The following NFYC variants were observed in gnomAD, a reference collection of about 807,000 sequenced individuals.
The protein encoded by NFYC is CAAT box DNA-binding protein subunit C.
In NFYC, 25 loss-of-function variants were observed where a neutral mutation model predicts 53.1. The observed-to-expected ratio is 0.47, with a 90% CI of 0.34 to 0.66. The LOEUF (loss-of-function observed/expected upper bound fraction) is 0.66, where lower values mean the gene tolerates loss of function less well. NFYC is among the 30% of genes least tolerant of loss of function. NFYC has a pLI of 0.01. For synonymous variants in NFYC, 145 were observed against 152.6 expected, an observed-to-expected ratio of 0.95 and a Z score of 0.37; for missense variants, 260 against 422.7, an observed-to-expected ratio of 0.62 and a Z score of 3.38.
chr1:40,725,188 G>A (rs2148508836), intron 1 of NFYC, among the ~76,000 whole-genome samples: 1 of 152,324 alleles, frequency 6.6e-6, no homozygotes, highest in South Asian at 2.1e-4. Flanking sequence ...AAAAACCTTA[G>A]ATGAGTTTAA....
intron 8 of NFYC, chr1:40,766,948 C>T (rs374301964): frequency 2.8e-5 from 43 of 1,552,082 alleles, no homozygotes; most frequent in South Asian, 1.4e-4. Context: ...GGGGAAGCCT[C>T]GAAGGTGCCT....
In NFYC at chr1:40,771,509, C is replaced by T. The variant is rs1434582566; in HGVS notation, c.*681C>T. On this transcript the variant is annotated 3_prime_UTR_variant, in exon 10 of 10. Transcript: ENST00000447388. ...AGGACTTTGTGTGTTTGCTGCCCAC[C>T]TCCCTTTTATTTTTTAAATGCATTA... is the stretch of plus-strand genomic sequence containing the variant. 2.2e-6 allele frequency: 1 copy of T among 456,624 alleles called. No homozygotes were observed. Among genetic ancestry groups the T allele is most frequent in the Admixed American group, 2.5e-5 (1 of 39,296 alleles). 28.3% of individuals were successfully genotyped at this position (456,624 alleles called of 1,614,324 possible). A position where few individuals can be genotyped will look rare whatever the true frequency, so the allele number is the denominator to read the frequency against.
chr1:40,762,783 A>G lies in NFYC; in HGVS notation c.562-105A>G, dbSNP rs1570720984. 2.7e-6 allele frequency: 3 copies of G among 1,096,400 alleles called. No individual in the cohort carries two copies. In the East Asian group the frequency reaches 8.4e-5, roughly 31 times the overall value. 67.9% of individuals were successfully genotyped at this position (1,096,400 alleles called of 1,614,324 possible). A position where few individuals can be genotyped will look rare whatever the true frequency, so the allele number is the denominator to read the frequency against. On this transcript the variant is annotated intron_variant, in intron 6 of 9. Coordinates refer to ENST00000447388, the MANE Select transcript of NFYC (RefSeq NM_014223.5). ...AGTACTGAGATGACCTTAGGCATTC[A>G]TGGAGAGGGTTTGCTCCCAGCACAT...
chr1:40,756,106 C>G (rs1317923031), intron 5 of NFYC, among the ~76,000 whole-genome samples: 4 of 152,108 alleles, frequency 2.6e-5, no homozygotes, highest in Non-Finnish European at 5.9e-5. Flanking sequence ...GTGATTTGTG[C>G]TTTTTGTAAA....
chr1:40,717,267 C>T (rs1465979792), intron 1 of NFYC, among the ~76,000 whole-genome samples: 1 of 152,128 alleles, frequency 6.6e-6, no homozygotes, highest in Non-Finnish European at 1.5e-5. Flanking sequence ...GTAGAGTCCT[C>T]TAGGTCAGTG....
At chr1:40,766,945 C>T in intron 8 of NFYC, 1 of 1,552,190 alleles carries the variant, frequency 6.4e-7, no homozygotes, top group East Asian at 2.4e-5. Context: ...TCAGGGGAAG[C>T]CTCGAAGGTG....
chr1:40,697,896 T>C lies in NFYC; in HGVS notation c.-9+6029T>C, dbSNP rs954236242. Among the ~76,000 whole-genome samples the C allele has an allele frequency of 5.9e-5, 9 of 152,374 alleles. No individual in the cohort carries two copies. In the East Asian group the frequency reaches 1.7e-3, roughly 29 times the overall value. ...ACAGCACCTGTACTCATTTTCAGTA[T>C]TGGAGTTGTATTTTCCATTTTGTTA... On this transcript the variant is annotated intron_variant, in intron 1 of 9. Transcript: ENST00000447388.
chr1:40,714,090 A>C (rs1011198591), intron 1 of NFYC, among the ~76,000 whole-genome samples: 1 of 152,228 alleles, frequency 6.6e-6, no homozygotes, highest in Non-Finnish European at 1.5e-5. Flanking sequence ...AATTTAGGGT[A>C]TACAAACACA....
intron 1 of NFYC, among the ~76,000 whole-genome samples, chr1:40,715,358 G>A (rs1644094406): frequency 6.6e-6 from 1 of 151,796 alleles, no homozygotes; most frequent in Non-Finnish European, 1.5e-5. Flanking sequence ...ACTCCAGCCT[G>A]GGCAACAGAG....
At chr1:40,716,467 AAAG>A (rs756141638) in intron 1 of NFYC, among the ~76,000 whole-genome samples, 3 of 152,160 alleles carry the variant, frequency 2.0e-5, no homozygotes, top group Non-Finnish European at 2.9e-5. Context: ...GTGGTAAAAG[AAAG>A]AAGTATGGAG....
chr1:40,760,088 T>C (rs2148752317), intron 6 of NFYC, among the ~76,000 whole-genome samples: 1 of 152,304 alleles, frequency 6.6e-6, no homozygotes, highest in South Asian at 2.1e-4. Flanking sequence ...CCCGAGGAGC[T>C]GGGACTCCCA....
At chr1:40,726,805 G>A (rs1171038371) in intron 1 of NFYC, among the ~76,000 whole-genome samples, 1 of 152,204 alleles carries the variant, frequency 6.6e-6, no homozygotes, top group Non-Finnish European at 1.5e-5. Context: ...CTGCTTTTCT[G>A]TTTGATAGCA....
intron 2 of NFYC, among the ~76,000 whole-genome samples, chr1:40,745,712 C>A (rs920722566): frequency 3.3e-5 from 5 of 152,170 alleles, no homozygotes; most frequent in Admixed American, 6.5e-5. Flanking sequence ...CTCACTCTCC[C>A]TCCAGCCCCA....
intron 1 of NFYC, among the ~76,000 whole-genome samples, chr1:40,737,972 G>A (rs536833417): frequency 3.4e-4 from 50 of 146,486 alleles, no homozygotes; most frequent in East Asian, 1.6e-3. Context: ...GCGGGATCTC[G>A]GCTCACTGCA....
At chr1:40,736,820 C>CAA (rs71060396) in intron 1 of NFYC, among the ~76,000 whole-genome samples, 3,789 of 62,450 alleles carry the variant, frequency 0.061, 104 homozygotes, top group African/African-American at 0.074. Flanking sequence ...AAACTTATTC[C>CAA]AAAAAAAAAA....
rs78248190 is a variant in NFYC, at chr1:40,751,902, T to C, written c.292-1249T>C. Among the ~76,000 whole-genome samples, 449 of 152,218 alleles carry C rather than the reference T, an allele frequency of 2.9e-3. 4 individuals carry two copies. Among genetic ancestry groups the C allele is most frequent in the African/African-American group, 0.01 (420 of 41,528 alleles). ...TGGCAATCTTAAGATGGGCCCTGCT[T>C]CAGTTGGGAGGGTTTATCGTCAAGC... is the stretch of plus-strand genomic sequence containing the variant. On this transcript the variant is annotated intron_variant, in intron 4 of 9. Coordinates refer to ENST00000447388, the MANE Select transcript of NFYC (RefSeq NM_014223.5).
In NFYC at chr1:40,691,729, T is replaced by G. The variant is rs1160788565; in HGVS notation, c.-147T>G. 1 of 455,416 alleles carries G rather than the reference T, an allele frequency of 2.2e-6. No individual in the cohort carries two copies. Among genetic ancestry groups the G allele is most frequent in the African/African-American group, 2.0e-5 (1 of 50,026 alleles). The allele number at this position is 455,416 out of a possible 1,614,324, so 28.2% of individuals were successfully genotyped here. On this transcript the variant is annotated 5_prime_UTR_variant, in exon 1 of 10. Coordinates refer to ENST00000447388, the MANE Select transcript of NFYC (RefSeq NM_014223.5). ...GCAAACGGCGTGGCCGCCATCTTGCTTGTGCCCCCGCTTCGCGCGCGCTCC... is the reference window on the plus strand; with the variant it reads ...GCAAACGGCGTGGCCGCCATCTTGCGTGTGCCCCCGCTTCGCGCGCGCTCC...
chr1:40,721,175 A>G (rs1353756796), intron 1 of NFYC, among the ~76,000 whole-genome samples: 1 of 152,208 alleles, frequency 6.6e-6, no homozygotes, highest in African/African-American at 2.4e-5. Context: ...ATTTATCATC[A>G]CTGATTAGTG....
chr1:40,763,816 C>T (rs1315031996), intron 7 of NFYC, among the ~76,000 whole-genome samples: 1 of 152,212 alleles, frequency 6.6e-6, no homozygotes, highest in Non-Finnish European at 1.5e-5. Flanking sequence ...CTCATTCTAC[C>T]TATGCAGGGA....
Sources: gnomAD v4.1 joint callset for allele counts (sites outside exome capture counted in the v4.1 genomes callset) on GRCh38, gnomAD v4.1.1 for gene constraint, MANE v1.5 for transcripts, NCBI Gene and HGNC (gene_info 2026-07-23, HGNC 2026-07-21) for gene names.